The following ANKRD30BL variants were observed in gnomAD, a reference collection of about 807,000 sequenced individuals.
The protein encoded by ANKRD30BL is ankyrin repeat domain 30B like, also known as putative ankyrin repeat domain-containing protein 30B-like.
Under a neutral mutation model 18.4 loss-of-function variants are expected in ANKRD30BL, and 20 were observed. That is an observed-to-expected ratio of 1.09 (90% CI 0.77 to 1.58). ANKRD30BL has a LOEUF of 1.58. Ranked by LOEUF, ANKRD30BL falls within the 40% of genes most tolerant of loss-of-function variation. The pLI, the probability that ANKRD30BL is intolerant of heterozygous loss-of-function variation, is 0.00. For synonymous variants in ANKRD30BL, 72 were observed against 100.9 expected, an observed-to-expected ratio of 0.71 and a Z score of 1.72; for missense variants, 224 against 268.6, an observed-to-expected ratio of 0.83 and a Z score of 1.16.
intron 4 of ANKRD30BL, chr2:132,153,760 A>G (rs1687829633): frequency 2.7e-6 from 2 of 735,464 alleles, no homozygotes; most frequent in Non-Finnish European, 4.3e-6. Context: ...CTGTCAGTAT[A>G]GAATTAACCA....
At chr2:132,201,228 G>C (rs1679091145) in intron 1 of ANKRD30BL, among the ~76,000 whole-genome samples, 1 of 152,112 alleles carries the variant, frequency 6.6e-6, no homozygotes, top group African/African-American at 2.4e-5. Context: ...TCAGGACATA[G>C]GCATGGGCAA....
intron 1 of ANKRD30BL, among the ~76,000 whole-genome samples, chr2:132,256,382 C>G (rs1470358633): frequency 3.9e-5 from 6 of 152,072 alleles, no homozygotes; most frequent in African/African-American, 1.4e-4. Flanking sequence ...CCGACGGGCT[C>G]ACCACTCCCG....
At chr2:132,165,216 TA>T (rs60508980), upstream of ANKRD30BL, among the ~76,000 whole-genome samples, 31,440 of 149,678 alleles carry the variant, frequency 0.21, 3,834 homozygotes, top group African/African-American at 0.34. Flanking sequence ...CCAAATCATT[TA>T]TTTTTTTAGG....
chr2:132,163,124 C>T (rs1002296364), upstream of ANKRD30BL, among the ~76,000 whole-genome samples: 1 of 152,140 alleles, frequency 6.6e-6, no homozygotes, highest in Non-Finnish European at 1.5e-5. Flanking sequence ...CTGAGTGGAG[C>T]AGATGGAGAA....
At chr2:132,209,153 G>T (rs1378317521) in intron 1 of ANKRD30BL, among the ~76,000 whole-genome samples, 1 of 149,018 alleles carries the variant, frequency 6.7e-6, no homozygotes, top group South Asian at 2.2e-4. Context: ...AGTGCTTTGG[G>T]GCCTATGGTG....
chr2:132,197,918 T>C (rs1336179679), intron 1 of ANKRD30BL, among the ~76,000 whole-genome samples: 1 of 152,008 alleles, frequency 6.6e-6, no homozygotes, highest in Non-Finnish European at 1.5e-5. Context: ...GTATAAGCTT[T>C]TATTTTTATA....
chr2:132,231,536 G>A (rs1680013634), intron 1 of ANKRD30BL, among the ~76,000 whole-genome samples: 2 of 152,216 alleles, frequency 1.3e-5, no homozygotes, highest in South Asian at 4.1e-4. Flanking sequence ...GGAAGCACAA[G>A]GGGTCAGGGA....
intron 1 of ANKRD30BL, among the ~76,000 whole-genome samples, chr2:132,196,172 A>C (rs1573831316): frequency 6.6e-6 from 1 of 151,866 alleles, no homozygotes; most frequent in Admixed American, 6.6e-5. Flanking sequence ...GAAAAAGAAA[A>C]AAATATAAAT....
intron 1 of ANKRD30BL, among the ~76,000 whole-genome samples, chr2:132,202,465 T>C (rs1679126807): frequency 6.6e-6 from 1 of 151,702 alleles, no homozygotes; most frequent in African/African-American, 2.4e-5. Context: ...CTTGAATATT[T>C]TAAGATAAAA....
upstream of ANKRD30BL, chr2:132,162,103 G>T (rs1044308494): frequency 4.4e-5 from 8 of 182,546 alleles, no homozygotes; most frequent in South Asian, 7.6e-4. Flanking sequence ...AACGTGGGGG[G>T]CTCCCTGCCA....
chr2:132,189,982 T>C (rs1390231240), intron 1 of ANKRD30BL, among the ~76,000 whole-genome samples: 11 of 151,808 alleles, frequency 7.2e-5, no homozygotes, highest in Non-Finnish European at 1.6e-4. Flanking sequence ...GTTGATAACA[T>C]AAAATAGTGG....
At position 132,180,220 on chromosome 2, in the gene ANKRD30BL, CTT is replaced by C. The variant is rs34690292; in HGVS notation, n.442-23076_442-23075del. 5.2e-3 allele frequency among the ~76,000 whole-genome samples: 710 copies of C among 136,750 alleles called. 5 individuals carry two copies. The highest frequency in any genetic ancestry group is 0.013 in the African/African-American group (489 of 36,582). 89.7% of individuals were successfully genotyped at this position (136,750 alleles called of 152,430 possible). A position where few individuals can be genotyped will look rare whatever the true frequency, so the allele number is the denominator to read the frequency against. Reference sequence around the variant, plus strand: ...GGTAAGTGCCCTCTACAAGTGTACCCTTTTTTTTTTTTTTTTTACTGCACCTT... The same window carrying C: ...GGTAAGTGCCCTCTACAAGTGTACCCTTTTTTTTTTTTTTTACTGCACCTT... On this transcript the variant is annotated intron_variant and non_coding_transcript_variant, in intron 1 of 4. Transcript: ENST00000470729.
At chr2:132,198,914 G>C (rs1216322008) in intron 1 of ANKRD30BL, among the ~76,000 whole-genome samples, 1 of 152,102 alleles carries the variant, frequency 6.6e-6, no homozygotes, top group South Asian at 2.1e-4. Context: ...CACTGTGCCC[G>C]GCCCAGTCCT....
chr2:132,175,299 G>A (rs528635399), intron 1 of ANKRD30BL, among the ~76,000 whole-genome samples: 33 of 152,034 alleles, frequency 2.2e-4, no homozygotes, highest in Admixed American at 7.9e-4. Context: ...AAGAATCTGT[G>A]TCATAATTAA....
chr2:132,218,941 G>A (rs199803159), intron 1 of ANKRD30BL, among the ~76,000 whole-genome samples: 25 of 151,878 alleles, frequency 1.6e-4, no homozygotes, highest in African/African-American at 5.8e-4. Context: ...CATTTGGACC[G>A]CTTTGAGGCC....
At chr2:132,224,496 C>T (rs1281013686) in intron 1 of ANKRD30BL, among the ~76,000 whole-genome samples, 1 of 151,432 alleles carries the variant, frequency 6.6e-6, no homozygotes, top group Non-Finnish European at 1.5e-5. Flanking sequence ...TGGACAGAGG[C>T]ATTCTCAGAA....
At chr2:132,182,759 G>A (rs1183574658) in intron 1 of ANKRD30BL, among the ~76,000 whole-genome samples, 1 of 152,010 alleles carries the variant, frequency 6.6e-6, no homozygotes, top group Non-Finnish European at 1.5e-5. Context: ...TCAGGTGGTG[G>A]CTCAGTGTTC....
At chr2:132,172,711 C>CT (rs36085588) in intron 1 of ANKRD30BL, among the ~76,000 whole-genome samples, 21,805 of 143,432 alleles carry the variant, frequency 0.15, 2,195 homozygotes, top group East Asian at 0.47. Flanking sequence ...TTGAGGGTGA[C>CT]TTTTTTTTTT....
intron 1 of ANKRD30BL, among the ~76,000 whole-genome samples, chr2:132,213,745 A>T (rs1024217451): frequency 6.6e-5 from 10 of 152,126 alleles, no homozygotes; most frequent in Non-Finnish European, 1.3e-4. Context: ...GCAGTTTTGA[A>T]ACACTGTTTT....
Sources: gnomAD v4.1 joint callset for allele counts (sites outside exome capture counted in the v4.1 genomes callset) on GRCh38, gnomAD v4.1.1 for gene constraint, MANE v1.5 for transcripts, NCBI Gene and HGNC (gene_info 2026-07-23, HGNC 2026-07-21) for gene names.